DBF4B: variants seen among roughly 807,000 people sequenced by gnomAD.
DBF4B encodes DBF4B-CDC7 kinase regulatory subunit, also known as protein DBF4 homolog B.
A neutral mutation model predicts 53.4 loss-of-function variants in DBF4B; 49 were observed. That is an observed-to-expected ratio of 0.92 (90% CI 0.73 to 1.16). The LOEUF is 1.16. Ranked by LOEUF, DBF4B falls within the 50% of genes most tolerant of loss-of-function variation. DBF4B has a pLI of 0.00. For missense variants in DBF4B, 692 were observed against 775.0 expected, an observed-to-expected ratio of 0.89 and a Z score of 1.27; for synonymous variants, 257 against 288.7, an observed-to-expected ratio of 0.89 and a Z score of 1.11.
At chr17:44,729,025 G>A (rs1974590758) in intron 3 of DBF4B, among the ~76,000 whole-genome samples, 1 of 152,024 alleles carries the variant, frequency 6.6e-6, no homozygotes, top group African/African-American at 2.4e-5. Flanking sequence ...GAACCCGGGA[G>A]GTGGAGATTA....
chr17:44,739,251 A>G (rs903281670), intron 9 of DBF4B, among the ~76,000 whole-genome samples: 2 of 152,230 alleles, frequency 1.3e-5, no homozygotes, highest in African/African-American at 4.8e-5. Context: ...AATTATCTCA[A>G]AATTTAAATT....
intron 4 of DBF4B, among the ~76,000 whole-genome samples, chr17:44,730,367 G>C (rs1035869725): frequency 6.6e-6 from 1 of 152,196 alleles, no homozygotes; most frequent in African/African-American, 2.4e-5. Context: ...ATAAACCAGA[G>C]AAGACGTGTT....
At position 44,751,349 on chromosome 17, in the gene DBF4B, T is replaced by C. The variant is rs1310175767; in HGVS notation, c.*96T>C. On this transcript the variant is annotated 3_prime_UTR_variant, in exon 14 of 14. Coordinates refer to ENST00000315005, the MANE Select transcript of DBF4B (RefSeq NM_145663.3). Reference sequence around the variant, plus strand: ...AGTGGCTCCTTGGCGTGAGCACTGCTCAGACTCCTTTCCACTCCAGCCCCC... The same window carrying C: ...AGTGGCTCCTTGGCGTGAGCACTGCCCAGACTCCTTTCCACTCCAGCCCCC... The C allele has an allele frequency of 2.0e-6, 3 of 1,480,414 alleles. No homozygotes were observed. The highest frequency in any genetic ancestry group is 2.8e-5 in the African/African-American group (2 of 71,422). 91.7% of individuals were successfully genotyped at this position (1,480,414 alleles called of 1,614,324 possible). A position where few individuals can be genotyped will look rare whatever the true frequency, so the allele number is the denominator to read the frequency against.
intron 2 of DBF4B, among the ~76,000 whole-genome samples, chr17:44,718,676 C>T (rs999487861): frequency 2.0e-5 from 3 of 151,996 alleles, no homozygotes; most frequent in East Asian, 1.9e-4. Flanking sequence ...TCATTAACTT[C>T]GATCCCTTGA....
intron 13 of DBF4B, chr17:44,750,107 C>T (rs767992038): frequency 1.8e-5 from 18 of 996,342 alleles, no homozygotes; most frequent in Non-Finnish European, 2.2e-5. Flanking sequence ...TCGGCTGTTC[C>T]GGGGCCAGTG....
At chr17:44,742,560 G>A (rs1976171743) in intron 10 of DBF4B, among the ~76,000 whole-genome samples, 1 of 152,074 alleles carries the variant, frequency 6.6e-6, no homozygotes, top group Non-Finnish European at 1.5e-5. Flanking sequence ...CAGCCTGGGT[G>A]ACAGAGTGAA....
At chr17:44,730,851 A>C in intron 4 of DBF4B, 114 bp from the exon 5 acceptor site, 1 of 1,060,088 alleles carries the variant, frequency 9.4e-7, no homozygotes, top group Non-Finnish European at 1.4e-6. Context: ...CACTGCTCCC[A>C]GCTTTCCGAG....
At chr17:44,723,090 G>GATT (rs1322529846) in intron 3 of DBF4B, 68 bp downstream of exon 3, 2 of 1,580,450 alleles carry the variant, frequency 1.3e-6, no homozygotes, top group African/African-American at 1.4e-5. Flanking sequence ...GTTGGATGGG[G>GATT]ATTATATCTA....
At chr17:44,724,605 TC>T (rs1271277897) in intron 3 of DBF4B, among the ~76,000 whole-genome samples, 3 of 152,136 alleles carry the variant, frequency 2.0e-5, no homozygotes, top group African/African-American at 7.2e-5. Flanking sequence ...GGTCTTGATC[TC>T]CTGACCTCGT....
chr17:44,731,333 G>A, intron 5 of DBF4B: 1 of 308,144 alleles, frequency 3.2e-6, no homozygotes, highest in South Asian at 3.0e-5. Flanking sequence ...CTCTAGGCTG[G>A]GTGTGGTGGC....
At chr17:44,710,858 C>T (rs1173318060) in intron 2 of DBF4B, among the ~76,000 whole-genome samples, 1 of 151,960 alleles carries the variant, frequency 6.6e-6, no homozygotes, top group Non-Finnish European at 1.5e-5. Flanking sequence ...AGGAGTGAGC[C>T]ACTGCACCCA....
At chr17:44,735,658 ACT>A (rs1452353549) in intron 7 of DBF4B, among the ~76,000 whole-genome samples, 1 of 151,992 alleles carries the variant, frequency 6.6e-6, no homozygotes, top group Admixed American at 6.6e-5. Flanking sequence ...ACAGAGTGAG[ACT>A]CTGTCTCAAA....
intron 10 of DBF4B, 95 bp from the exon 11 acceptor site, chr17:44,746,988 C>A: frequency 8.5e-7 from 1 of 1,179,918 alleles, no homozygotes; most frequent in Non-Finnish European, 1.2e-6. Context: ...CTTGGTCCTT[C>A]CCCTCCCTGA....
In DBF4B at chr17:44,749,232, GCCCTGTCT is replaced by G. The variant is rs1285469184; in HGVS notation, c.1189+779_1189+786del. On this transcript the variant is annotated intron_variant, in intron 13 of 13. Coordinates refer to ENST00000315005, the MANE Select transcript of DBF4B (RefSeq NM_145663.3). This position sits in a 1 kb window ranked among gnomAD's most constrained non-coding sequence, Gnocchi z 4.4. ...TCTGGGCCCCCCAGCCTCTCCAGGT[GCCCTGTCT>G]CCCTGTCTCCCAGCCCTGGTCCCAA... 3.1e-6 allele frequency: 4 copies of G among 1,290,368 alleles called. No homozygotes were observed. Among genetic ancestry groups the G allele is most frequent in the Admixed American group, 4.6e-5 (2 of 43,540 alleles). The allele number at this position is 1,290,368 out of a possible 1,614,324, so 79.9% of individuals were successfully genotyped here.
rs968914329 is a variant in DBF4B, at chr17:44,749,634, T to A, written c.1190-961T>A. 2 of 1,181,580 alleles carry A rather than the reference T, an allele frequency of 1.7e-6. No individual in the cohort carries two copies. The highest frequency in any genetic ancestry group is 2.1e-6 in the Non-Finnish European group (2 of 937,116). The allele number at this position is 1,181,580 out of a possible 1,614,324, so 73.2% of individuals were successfully genotyped here. ...CTGCCATGTTCCTGACCAGGCAGAG[T>A]CTACAGTGGGCTTGCCCAGCTGAGG... On this transcript the variant is annotated intron_variant, in intron 13 of 13. Coordinates refer to ENST00000315005, the MANE Select transcript of DBF4B (RefSeq NM_145663.3). The surrounding 1 kb of genome is among the most constrained non-coding windows in gnomAD (Gnocchi z 4.4).
chr17:44,730,564 C>T (rs1974744559), intron 4 of DBF4B, among the ~76,000 whole-genome samples: 1 of 152,166 alleles, frequency 6.6e-6, no homozygotes, highest in Non-Finnish European at 1.5e-5. Flanking sequence ...ATTAAAATGT[C>T]CATGAACATA....
intron 9 of DBF4B, among the ~76,000 whole-genome samples, chr17:44,740,065 T>A (rs954395543): frequency 1.3e-5 from 2 of 151,992 alleles, no homozygotes; most frequent in African/African-American, 4.8e-5. Flanking sequence ...CCCAGCCTCT[T>A]GTGATTTTTT....
intron 7 of DBF4B, 28 bp from the exon 8 acceptor site, chr17:44,736,802 C>G: frequency 6.2e-7 from 1 of 1,614,016 alleles, no homozygotes; most frequent in Non-Finnish European, 8.5e-7. Flanking sequence ...TTCCTCACAT[C>G]CTTAACCTAT....
intron 3 of DBF4B, among the ~76,000 whole-genome samples, chr17:44,727,622 T>C (rs1974470596): frequency 6.6e-6 from 1 of 152,204 alleles, no homozygotes; most frequent in South Asian, 2.1e-4. Flanking sequence ...TTTGAACTTT[T>C]AGTCCTTTCT....
Sources: gnomAD v4.1 joint callset for allele counts (sites outside exome capture counted in the v4.1 genomes callset) on GRCh38, gnomAD v4.1.1 for gene constraint, Gnocchi (gnomAD v3.1) non-coding constraint, MANE v1.5 for transcripts, NCBI Gene and HGNC (gene_info 2026-07-23, HGNC 2026-07-21) for gene names.